Variants in WWC2 observed in about 807,000 individuals in gnomAD.
The protein encoded by WWC2 is protein WWC2.
WWC2 carries 101 observed loss-of-function variants against 138.5 expected under a neutral mutation model. The observed-to-expected ratio is 0.73, with a 90% CI of 0.62 to 0.86. The LOEUF is 0.86. WWC2 is among the 40% of genes least tolerant of loss of function. The pLI is 0.00. For missense variants in WWC2, 1,420 were observed against 1,419.4 expected (o/e 1.00, Z -0.01); for synonymous variants, 558 against 538.4 (o/e 1.04, Z -0.50).
At chr4:183,259,134 G>A (rs563217191) in intron 9 of WWC2, among the ~76,000 whole-genome samples, 13 of 152,100 alleles carry the variant, frequency 8.5e-5, no homozygotes, top group Non-Finnish European at 1.5e-4. Context: ...GACTAAAATT[G>A]TTTCTTAATT....
At chr4:183,158,938 A>G (rs183615542) in intron 1 of WWC2, among the ~76,000 whole-genome samples, 66 of 152,282 alleles carry the variant, frequency 4.3e-4, no homozygotes, top group Middle Eastern at 6.8e-3. Flanking sequence ...TGTGGCTTAC[A>G]ATGGCTGTGG....
intron 1 of WWC2, among the ~76,000 whole-genome samples, chr4:183,114,147 G>C (rs1732338132): frequency 6.6e-6 from 1 of 152,108 alleles, no homozygotes; most frequent in Non-Finnish European, 1.5e-5. Context: ...AGTTCTTGCA[G>C]TATCTGGTTG....
intron 1 of WWC2, among the ~76,000 whole-genome samples, chr4:183,149,562 C>T (rs939259655): frequency 5.9e-4 from 89 of 150,038 alleles, no homozygotes; most frequent in African/African-American, 2.2e-3. Context: ...GCGGAGGTTG[C>T]GGTGAGCCAA....
intron 1 of WWC2, among the ~76,000 whole-genome samples, chr4:183,116,329 C>T (rs550876480): frequency 1.8e-4 from 28 of 152,280 alleles, no homozygotes; most frequent in African/African-American, 5.5e-4. Flanking sequence ...TTCATGAGGG[C>T]AGGTATTGTG....
At chr4:183,142,910 C>T (rs1028370436) in intron 1 of WWC2, among the ~76,000 whole-genome samples, 12 of 152,084 alleles carry the variant, frequency 7.9e-5, no homozygotes, top group Admixed American at 3.9e-4. Flanking sequence ...ATAAAAACCA[C>T]GAAAATGCTG....
intron 5 of WWC2, 152 bp downstream of exon 5, chr4:183,240,414 C>T (rs1736580233): frequency 1.9e-6 from 1 of 526,898 alleles, no homozygotes. Flanking sequence ...ATAAAGCAAT[C>T]AACCAACAGA....
intron 5 of WWC2, among the ~76,000 whole-genome samples, chr4:183,242,500 A>T (rs1277735732): frequency 2.0e-5 from 3 of 152,190 alleles, no homozygotes; most frequent in African/African-American, 7.2e-5. Context: ...CCCAAATTTG[A>T]CTTCGGCCTA....
chr4:183,141,603 T>A (rs1733301779), intron 1 of WWC2, among the ~76,000 whole-genome samples: 12 of 152,168 alleles, frequency 7.9e-5, no homozygotes, highest in Admixed American at 7.9e-4. Context: ...TATTACCAAG[T>A]GGCTAGATTC....
intron 16 of WWC2, 39 bp from the exon 17 acceptor site, chr4:183,280,733 TCAAG>T: frequency 6.4e-7 from 1 of 1,553,982 alleles, no homozygotes. Context: ...AGTCATTTTT[TCAAG>T]TATATTATGT....
chr4:183,208,085 T>A lies in WWC2; in HGVS notation c.374T>A (p.Leu125Gln). The change falls in exon 3 of 23, where the codon CTG (leucine) becomes CAG (glutamine). Residue 125 changes from leucine (L) to glutamine (Q), a missense_variant. Coordinates refer to ENST00000403733, the MANE Select transcript of WWC2 (RefSeq NM_024949.6). ...CTGTACCATGTGAAGGAGCAGAGGC[T>A]GGCGCTGGCCCTGGATGAATACGTG... ...KELYHVKEQR[L>Q]ALALDEYVRL... 1.2e-6 allele frequency: 2 copies of A among 1,613,906 alleles called. No individual in the cohort carries two copies. Among genetic ancestry groups the A allele is most frequent in the Non-Finnish European group, 1.7e-6 (2 of 1,179,810 alleles).
At chr4:183,126,199 T>C (rs1732752695) in intron 1 of WWC2, among the ~76,000 whole-genome samples, 1 of 152,204 alleles carries the variant, frequency 6.6e-6, no homozygotes, top group Admixed American at 6.5e-5. Context: ...CCTTGTTCAT[T>C]GGGGTATTCA....
chr4:183,110,869 G>A (rs1732207957), intron 1 of WWC2, among the ~76,000 whole-genome samples: 1 of 152,046 alleles, frequency 6.6e-6, no homozygotes, highest in Non-Finnish European at 1.5e-5. Context: ...GGTTGTGTTG[G>A]TCACCAGTTC....
intron 8 of WWC2, among the ~76,000 whole-genome samples, chr4:183,253,174 T>G (rs1737029738): frequency 6.6e-6 from 1 of 152,204 alleles, no homozygotes; most frequent in Admixed American, 6.5e-5. Flanking sequence ...CCACTGCACC[T>G]GGCCCAACTG....
chr4:183,123,943 GGT>G (rs1732681253), intron 1 of WWC2, among the ~76,000 whole-genome samples: 1 of 151,850 alleles, frequency 6.6e-6, no homozygotes, highest in African/African-American at 2.4e-5. Flanking sequence ...ACCAGATTTT[GGT>G]TGTAATGTTA....
chr4:183,182,279 C>G (rs899250777), intron 1 of WWC2, among the ~76,000 whole-genome samples: 2 of 152,158 alleles, frequency 1.3e-5, no homozygotes, highest in Non-Finnish European at 2.9e-5. Flanking sequence ...GCTCAATTCT[C>G]CAGACTGAAT....
intron 9 of WWC2, among the ~76,000 whole-genome samples, chr4:183,257,062 G>A (rs1304376230): frequency 6.6e-6 from 1 of 152,124 alleles, no homozygotes; most frequent in South Asian, 2.1e-4. Flanking sequence ...TGCAGGGAAG[G>A]TGTTTCTATG....
intron 1 of WWC2, among the ~76,000 whole-genome samples, chr4:183,111,888 G>C (rs904521739): frequency 5.9e-5 from 9 of 151,946 alleles, no homozygotes; most frequent in Middle Eastern, 3.2e-3. Context: ...TGTAGAGTCA[G>C]GGTTTCGCCA....
chr4:183,218,291 G>A (rs957051716), intron 4 of WWC2, among the ~76,000 whole-genome samples: 1 of 151,840 alleles, frequency 6.6e-6, no homozygotes, highest in Non-Finnish European at 1.5e-5. Flanking sequence ...TTAGGGAAAT[G>A]CAAATCAAAA....
intron 1 of WWC2, among the ~76,000 whole-genome samples, chr4:183,175,621 A>G (rs1734445129): frequency 2.0e-5 from 3 of 152,170 alleles, no homozygotes; most frequent in South Asian, 4.1e-4. Flanking sequence ...CGTGGTAAAC[A>G]TGCTGCAACT....
Sources: gnomAD v4.1 joint callset for allele counts (sites outside exome capture counted in the v4.1 genomes callset) on GRCh38, gnomAD v4.1.1 for gene constraint, MANE v1.5 for transcripts, NCBI Gene and HGNC (gene_info 2026-07-23, HGNC 2026-07-21) for gene names.